The following NSRP1 variants were observed in gnomAD, a reference collection of about 807,000 sequenced individuals.
NSRP1 encodes coiled-coil domain containing 55.
Under a neutral mutation model 54.7 loss-of-function variants are expected in NSRP1, and 24 were observed. The ratio of observed to expected loss-of-function variants is 0.44; its 90% CI spans 0.32 to 0.62. The LOEUF is 0.62. NSRP1 is among the 20% of genes least tolerant of loss of function. NSRP1 has a pLI of 0.06. For synonymous variants in NSRP1, 210 were observed against 213.8 expected, an observed-to-expected ratio of 0.98 and a Z score of 0.15; for missense variants, 596 against 651.2, an observed-to-expected ratio of 0.92 and a Z score of 0.92.
Position 30,151,774 on chromosome 17 carries a change from CTTTTTTT to C in NSRP1, c.115-20749_115-20743del, listed in dbSNP as rs780507533. Among the ~76,000 whole-genome samples, 47 of 48,908 alleles carry C rather than the reference CTTTTTTT, an allele frequency of 9.6e-4. No individual in the cohort carries two copies. In the East Asian group the frequency reaches 0.011, roughly 11 times the overall value. 32.1% of individuals were successfully genotyped at this position (48,908 alleles called of 152,430 possible). Reference sequence around the variant, plus strand: ...TTCCCATTCTGTGGGTTGTCACTTTCTTTTTTTTTTTTTTTTTTTTTTTTTGAGACAG... The same window carrying C: ...TTCCCATTCTGTGGGTTGTCACTTTCTTTTTTTTTTTTTTTTTTGAGACAG... On this transcript the variant is annotated intron_variant, in intron 2 of 6. Coordinates refer to ENST00000247026, the MANE Select transcript of NSRP1 (RefSeq NM_032141.4).
At chr17:30,175,951 C>T (rs2143009251) in intron 3 of NSRP1, among the ~76,000 whole-genome samples, 1 of 151,264 alleles carries the variant, frequency 6.6e-6, no homozygotes, top group South Asian at 2.1e-4. Flanking sequence ...TGCAGTGAGC[C>T]AAGATGGTGC....
At chr17:30,182,566 C>T (rs918877281) in intron 6 of NSRP1, among the ~76,000 whole-genome samples, 6 of 152,098 alleles carry the variant, frequency 3.9e-5, no homozygotes, top group Non-Finnish European at 5.9e-5. Flanking sequence ...TGCTTAAACT[C>T]GGGAGGCGGA....
In NSRP1 at chr17:30,179,073, CTTTT is replaced by C; in HGVS notation, c.301-14_301-11del. ...CTATTTTTTTACTCTTTTCCTAAAT[CTTTT>C]TTATTTCCTTAGCCCAAGTATATTC... On this transcript the variant is annotated splice_polypyrimidine_tract_variant and intron_variant, in intron 4 of 6. Transcript: ENST00000247026. 2.1e-6 allele frequency: 3 copies of C among 1,417,778 alleles called. No homozygotes were observed. Among genetic ancestry groups the C allele is most frequent in the Non-Finnish European group, 2.8e-6 (3 of 1,070,462 alleles). The allele number at this position is 1,417,778 out of a possible 1,614,324, so 87.8% of individuals were successfully genotyped here. A position where few individuals can be genotyped will look rare whatever the true frequency, so the allele number is the denominator to read the frequency against.
Position 30,184,860 on chromosome 17 carries a change from A to G in NSRP1, c.863A>G (p.His288Arg), listed in dbSNP as rs751122250. The G allele has an allele frequency of 5.6e-6, 9 of 1,613,838 alleles. No individual in the cohort carries two copies. In the South Asian group the frequency reaches 7.7e-5, roughly 14 times the overall value. The change falls in exon 7 of 7, where the codon CAC (histidine) becomes CGC (arginine). Residue 288 changes from histidine (H) to arginine (R), a missense_variant. Physicochemically the swap from His to Arg is conservative, Grantham distance 29. Transcript: ENST00000247026. The part of the protein sequence containing the change: ...NDFKHHRSQN[H>R]SRSPSEERGH... ...TTCAAGCACCACAGGAGTCAAAACC[A>G]CTCTCGGTCACCTAGTGAAGAAAGA...
intron 2 of NSRP1, among the ~76,000 whole-genome samples, chr17:30,135,155 C>G (rs1461046597): frequency 6.6e-6 from 1 of 152,068 alleles, no homozygotes; most frequent in Non-Finnish European, 1.5e-5. Flanking sequence ...GTCTTACTCT[C>G]TCTCCCAGGC....
intron 2 of NSRP1, among the ~76,000 whole-genome samples, chr17:30,145,067 A>G (rs1357194506): frequency 6.6e-6 from 1 of 152,234 alleles, no homozygotes; most frequent in Admixed American, 6.5e-5. Flanking sequence ...TACAGTATGT[A>G]TACCTAGTTA....
Position 30,116,820 on chromosome 17 carries a change from AC to A in NSRP1, c.-23del. 6.4e-7 allele frequency: 1 copy of A among 1,569,250 alleles called. No homozygotes were observed. Among genetic ancestry groups the A allele is most frequent in the Non-Finnish European group, 8.6e-7 (1 of 1,156,620 alleles). On this transcript the variant is annotated 5_prime_UTR_variant, in exon 1 of 7. Transcript: ENST00000247026. Reference sequence around the variant, plus strand: ...CGTCAGCGTCACGGAGGCGTCGGCCACGTTCAGCGGACACGGGAGCAAGATG... The same window carrying A: ...CGTCAGCGTCACGGAGGCGTCGGCCAGTTCAGCGGACACGGGAGCAAGATG...
chr17:30,176,606 TC>T (rs1555583104), intron 3 of NSRP1, among the ~76,000 whole-genome samples: 7,336 of 81,442 alleles, frequency 0.09, 351 homozygotes, highest in Middle Eastern at 0.18. Flanking sequence ...CAAGACTTCG[TC>T]CCCCCCCCCC....
intron 6 of NSRP1, among the ~76,000 whole-genome samples, chr17:30,181,398 CTT>C (rs61484398): frequency 0.036 from 4,366 of 121,882 alleles, 219 homozygotes; most frequent in African/African-American, 0.12. Flanking sequence ...TTTCTTTTTT[CTT>C]TTTTTTTTTT....
At chr17:30,161,860 A>G (rs188554436) in intron 2 of NSRP1, among the ~76,000 whole-genome samples, 263 of 152,278 alleles carry the variant, frequency 1.7e-3, no homozygotes, top group Middle Eastern at 0.01. Flanking sequence ...ATACCTTGCC[A>G]GGGTTGAGTA....
intron 6 of NSRP1, among the ~76,000 whole-genome samples, chr17:30,182,442 G>A (rs1162875449): frequency 6.6e-6 from 1 of 152,126 alleles, no homozygotes; most frequent in African/African-American, 2.4e-5. Context: ...AGGAGATGGA[G>A]ACCATCCTGG....
At chr17:30,119,015 T>C (rs1469258835) in intron 2 of NSRP1, among the ~76,000 whole-genome samples, 4 of 152,144 alleles carry the variant, frequency 2.6e-5, no homozygotes, top group Non-Finnish European at 4.4e-5. Flanking sequence ...CCCAAAGTGC[T>C]GGGATTACAG....
chr17:30,169,615 G>A (rs1433643589), intron 2 of NSRP1, among the ~76,000 whole-genome samples: 1 of 152,014 alleles, frequency 6.6e-6, no homozygotes, highest in Admixed American at 6.6e-5. Flanking sequence ...AGTAATACAT[G>A]TAATACACAA....
intron 2 of NSRP1, among the ~76,000 whole-genome samples, chr17:30,153,691 T>C (rs1195964075): frequency 1.3e-5 from 2 of 152,182 alleles, no homozygotes; most frequent in African/African-American, 4.8e-5. Flanking sequence ...ACTTTTGTGC[T>C]ACATGACTAG....
chr17:30,147,252 C>T (rs2071864613), intron 2 of NSRP1, among the ~76,000 whole-genome samples: 2 of 151,778 alleles, frequency 1.3e-5, no homozygotes, highest in Non-Finnish European at 2.9e-5. Flanking sequence ...CCTCAGCCTC[C>T]CAAGTAGCTG....
intron 2 of NSRP1, among the ~76,000 whole-genome samples, chr17:30,138,817 C>T (rs1235916343): frequency 6.7e-6 from 1 of 150,024 alleles, no homozygotes; most frequent in Non-Finnish European, 1.5e-5. Flanking sequence ...GTTCCAATTT[C>T]TCTACATCCC....
chr17:30,135,113 A>ATTTC (rs1205843433), intron 2 of NSRP1, among the ~76,000 whole-genome samples: 6 of 151,468 alleles, frequency 4.0e-5, no homozygotes, highest in South Asian at 4.2e-4. Flanking sequence ...TAATTGTTTT[A>ATTTC]TTTCTTTCTT....
chr17:30,123,661 A>G (rs940080698), intron 2 of NSRP1, among the ~76,000 whole-genome samples: 1 of 151,860 alleles, frequency 6.6e-6, no homozygotes, highest in African/African-American at 2.4e-5. Context: ...GATTTCCACT[A>G]TGTTTTCTTC....
intron 2 of NSRP1, among the ~76,000 whole-genome samples, chr17:30,140,577 G>A (rs1408566075): frequency 7.7e-6 from 1 of 129,734 alleles, no homozygotes; most frequent in African/African-American, 3.1e-5. Context: ...GGCCCAGGTT[G>A]GAGTGCAGTG....
Sources: allele counts gnomAD v4.1 joint callset (sites outside exome capture counted in the v4.1 genomes callset), GRCh38; gene constraint gnomAD v4.1.1; transcripts MANE v1.5; gene names NCBI Gene and HGNC (gene_info 2026-07-23, HGNC 2026-07-21).